ARHGAP24: variants seen among roughly 807,000 people sequenced by gnomAD.
The protein encoded by ARHGAP24 is rho GTPase-activating protein 24.
Under a neutral mutation model 76.4 loss-of-function variants are expected in ARHGAP24, and 50 were observed. The ratio of observed to expected loss-of-function variants is 0.65; its 90% confidence interval spans 0.52 to 0.83. The LOEUF (loss-of-function observed/expected upper bound fraction) is 0.83. Ranked by LOEUF, ARHGAP24 falls within the 40% of genes least tolerant of loss-of-function variation. ARHGAP24 has a pLI of 0.00. For missense variants in ARHGAP24, 930 were observed against 914.2 expected, an observed-to-expected ratio of 1.02 and a Z score of -0.22; for synonymous variants, 345 against 323.3, an observed-to-expected ratio of 1.07 and a Z score of -0.72.
chr4:85,740,163 G>T (rs1398868797), intron 3 of ARHGAP24, among the ~76,000 whole-genome samples: 2 of 150,628 alleles, frequency 1.3e-5, no homozygotes, highest in Non-Finnish European at 2.9e-5. Context: ...TCTCAGAGGA[G>T]AACTTCTATT....
At chr4:85,972,240 G>C in intron 6 of ARHGAP24, 72 bp downstream of exon 6, 1 of 1,591,388 alleles carries the variant, frequency 6.3e-7, no homozygotes, top group Non-Finnish European at 8.6e-7. Flanking sequence ...TCTTAAATCT[G>C]TAAATTTCCA....
chr4:85,793,926 C>T (rs1405805503), intron 3 of ARHGAP24, among the ~76,000 whole-genome samples: 1 of 152,142 alleles, frequency 6.6e-6, no homozygotes, highest in Non-Finnish European at 1.5e-5. Context: ...TTTACTAAGG[C>T]ATCACCTGAG....
chr4:85,542,398 A>T (rs923470069), intron 1 of ARHGAP24, among the ~76,000 whole-genome samples: 2 of 152,112 alleles, frequency 1.3e-5, no homozygotes, highest in Non-Finnish European at 2.9e-5. Flanking sequence ...TGATGTAGGA[A>T]TTCTCTTGTA....
intron 2 of ARHGAP24, among the ~76,000 whole-genome samples, chr4:85,703,345 G>A (rs755241209): frequency 1.3e-5 from 2 of 152,120 alleles, no homozygotes; most frequent in East Asian, 1.9e-4. Context: ...GATGACAGAT[G>A]GTCCTAGACA....
intron 3 of ARHGAP24, among the ~76,000 whole-genome samples, chr4:85,896,368 T>C (rs1734180300): frequency 6.6e-6 from 1 of 152,244 alleles, no homozygotes; most frequent in Admixed American, 6.5e-5. Context: ...GCCATTTATA[T>C]CTCCTGTGGC....
intron 3 of ARHGAP24, among the ~76,000 whole-genome samples, chr4:85,768,270 C>G (rs1481780055): frequency 6.6e-6 from 1 of 152,062 alleles, no homozygotes; most frequent in Non-Finnish European, 1.5e-5. Flanking sequence ...ATGTGAAAAT[C>G]TAAAGTCGTC....
intron 1 of ARHGAP24, among the ~76,000 whole-genome samples, chr4:85,536,076 C>T (rs1257678870): frequency 6.6e-6 from 1 of 152,018 alleles, no homozygotes; most frequent in East Asian, 1.9e-4. Flanking sequence ...TATTTATTGA[C>T]TGCCTTTAAT....
intron 2 of ARHGAP24, among the ~76,000 whole-genome samples, chr4:85,665,429 C>A (rs1722573161): frequency 6.6e-6 from 1 of 152,096 alleles, no homozygotes; most frequent in South Asian, 2.1e-4. Flanking sequence ...AGATGGGTAT[C>A]CTGAATACAG....
intron 8 of ARHGAP24, among the ~76,000 whole-genome samples, chr4:85,993,252 T>C (rs1452092579): frequency 2.0e-5 from 3 of 152,160 alleles, no homozygotes; most frequent in East Asian, 1.9e-4. Context: ...TATTCTATTA[T>C]TGCTGATGTT....
chr4:85,853,525 GT>G (rs1731362080), intron 3 of ARHGAP24, among the ~76,000 whole-genome samples: 1 of 152,196 alleles, frequency 6.6e-6, no homozygotes, highest in South Asian at 2.1e-4. Context: ...AGGTACCTCA[GT>G]TGGAAATGCA....
chr4:85,482,445 T>C (rs1355196660), intron 1 of ARHGAP24, among the ~76,000 whole-genome samples: 3 of 152,104 alleles, frequency 2.0e-5, no homozygotes, highest in African/African-American at 7.2e-5. Context: ...GGGGTCTTTG[T>C]GCCTGGAGAC....
intron 7 of ARHGAP24, 58 bp from the exon 8 acceptor site, chr4:85,977,512 T>A: frequency 6.3e-7 from 1 of 1,588,796 alleles, no homozygotes; most frequent in Non-Finnish European, 8.6e-7. Flanking sequence ...TGATCGATTT[T>A]TCTTCCACTG....
chr4:85,997,343 G>GAT (rs1187254408), intron 9 of ARHGAP24, among the ~76,000 whole-genome samples: 122 of 137,620 alleles, frequency 8.9e-4, no homozygotes, highest in Non-Finnish European at 1.3e-3. Context: ...TAGATAGATA[G>GAT]AGAGATAGAT....
At chr4:85,727,966 G>C (rs796407561) in intron 3 of ARHGAP24, among the ~76,000 whole-genome samples, 2 of 151,450 alleles carry the variant, frequency 1.3e-5, no homozygotes, top group African/African-American at 4.9e-5. Context: ...GATAAATTTT[G>C]AAGGATAATC....
At chr4:85,816,286 C>G (rs1406560999) in intron 3 of ARHGAP24, among the ~76,000 whole-genome samples, 1 of 152,116 alleles carries the variant, frequency 6.6e-6, no homozygotes, top group Non-Finnish European at 1.5e-5. Context: ...AACTTTGCAC[C>G]CTTTGATCAA....
At chr4:85,812,023 A>C (rs1729036055) in intron 3 of ARHGAP24, among the ~76,000 whole-genome samples, 1 of 152,056 alleles carries the variant, frequency 6.6e-6, no homozygotes. Flanking sequence ...TAAAAATACA[A>C]AAATTAGCCA....
intron 4 of ARHGAP24, among the ~76,000 whole-genome samples, chr4:85,939,528 A>G (rs1200218974): frequency 6.6e-6 from 1 of 152,174 alleles, no homozygotes. Flanking sequence ...ATGAGAGAAT[A>G]TTGTGAGGGA....
intron 2 of ARHGAP24, among the ~76,000 whole-genome samples, chr4:85,720,077 A>G (rs1253076030): frequency 6.6e-6 from 1 of 150,684 alleles, no homozygotes; most frequent in Non-Finnish European, 1.5e-5. Flanking sequence ...GAACACTTGG[A>G]CACAGGAAGG....
intron 2 of ARHGAP24, among the ~76,000 whole-genome samples, chr4:85,660,156 A>G (rs1047136595): frequency 6.6e-6 from 1 of 152,222 alleles, no homozygotes; most frequent in African/African-American, 2.4e-5. Context: ...CTTTTAAGTT[A>G]TGACTGTCTC....
Sources: gnomAD v4.1 joint callset for allele counts (sites outside exome capture counted in the v4.1 genomes callset) on GRCh38, gnomAD v4.1.1 for gene constraint, MANE v1.5 for transcripts, NCBI Gene and HGNC (gene_info 2026-07-23, HGNC 2026-07-21) for gene names.